RASAL1: variants seen among roughly 807,000 people sequenced by gnomAD.
RASAL1 encodes rasGAP-activating-like protein 1.
In RASAL1, 72 loss-of-function variants were observed where a neutral mutation model predicts 96.6. That is an observed-to-expected ratio of 0.75 (90% confidence interval 0.62 to 0.91). The LOEUF is 0.91. Ranked by LOEUF, RASAL1 falls within the 40% of genes least tolerant of loss-of-function variation. RASAL1 has a pLI of 0.00. For missense variants in RASAL1, 1,016 were observed against 1,072.5 expected (o/e 0.95, Z 0.74); for synonymous variants, 405 against 430.4 (o/e 0.94, Z 0.73).
chr12:113,136,597 A>G (rs1446092008), upstream of RASAL1, among the ~76,000 whole-genome samples: 1 of 152,182 alleles, frequency 6.6e-6, no homozygotes, highest in Non-Finnish European at 1.5e-5. Context: ...AGCTGTCTGG[A>G]CTTGGGTAAG....
At chr12:113,118,082 G>C (rs1951155787) in intron 7 of RASAL1, among the ~76,000 whole-genome samples, 1 of 152,114 alleles carries the variant, frequency 6.6e-6, no homozygotes, top group South Asian at 2.1e-4. Context: ...AAATTACTCA[G>C]ATGTAGTGGT....
chr12:113,130,983 G>T lies in RASAL1; in HGVS notation c.66-42C>A. The T allele has an allele frequency of 1.3e-6, 2 of 1,522,400 alleles. No individual in the cohort carries two copies. The highest frequency in any genetic ancestry group is 1.8e-6 in the Non-Finnish European group (2 of 1,100,650). 94.3% of individuals were successfully genotyped at this position (1,522,400 alleles called of 1,614,324 possible). A position where few individuals can be genotyped will look rare whatever the true frequency, so the allele number is the denominator to read the frequency against. ...TTCAGGGAGGAAGCAGGTTGAGAGG[G>T]CAGCCATGAGTGGAGGGTCCCAGTC... On this transcript the variant is annotated intron_variant, in intron 1 of 20. Coordinates refer to ENST00000548055, the MANE Select transcript of RASAL1 (RefSeq NM_001301202.2). This position sits in a 1 kb window ranked among gnomAD's most constrained non-coding sequence, Gnocchi z 5.1.
chr12:113,101,843 CCTGG>C (rs757750667), intron 19 of RASAL1, 42 bp downstream of exon 19: 1 of 1,592,974 alleles, frequency 6.3e-7, no homozygotes, highest in South Asian at 1.1e-5. Context: ...GGGGGGCTGG[CCTGG>C]CTGGTCATAG....
intron 4 of RASAL1, among the ~76,000 whole-genome samples, chr12:113,124,239 A>AAAAAT (rs377263513): frequency 7.3e-6 from 1 of 137,678 alleles, no homozygotes. Flanking sequence ...AAAAAAAAAA[A>AAAAAT]GTTACCACAA....
At chr12:113,103,132 C>T (rs1313226226) in intron 18 of RASAL1, 1 of 235,698 alleles carries the variant, frequency 4.2e-6, no homozygotes, top group East Asian at 1.6e-4. Context: ...TGTAATACAT[C>T]ATTATATATT....
rs544428972 is a variant in RASAL1 at position 113,130,390 on chromosome 12, C to A, written c.122+495G>T. ...CATGCACCCTACACTGGTACACACA[C>A]GTGAGCCTGTGCCCTGCACAGCCAC... On this transcript the variant is annotated intron_variant, in intron 2 of 20. Transcript: ENST00000548055. This position sits in a 1 kb window ranked among gnomAD's most constrained non-coding sequence, Gnocchi z 5.1. Among the ~76,000 whole-genome samples, 1 of 152,230 alleles carries A rather than the reference C, an allele frequency of 6.6e-6. No homozygotes were observed. Among genetic ancestry groups the A allele is most frequent in the South Asian group, 2.1e-4 (1 of 4,832 alleles).
At chr12:113,107,704 C>T in intron 14 of RASAL1, 1 of 396,144 alleles carries the variant, frequency 2.5e-6, no homozygotes, top group Non-Finnish European at 4.9e-6. Context: ...GGAATCTGCA[C>T]TCCCCACTAA....
Position 113,117,179 on chromosome 12 carries a change from C to G in RASAL1, c.643-18G>C. On this transcript the variant is annotated intron_variant, in intron 7 of 20. Transcript: ENST00000548055. ...AACTCCACCTTTTGAGAGAGACACA[C>G]AGACCCTCAGCCGGGCCCTGGCCTG... 6.4e-7 allele frequency: 1 copy of G among 1,554,642 alleles called. No homozygotes were observed. Among genetic ancestry groups the G allele is most frequent in the Non-Finnish European group, 8.8e-7 (1 of 1,131,946 alleles).
rs1353261074 is a variant in RASAL1, at chr12:113,119,189, G to C, written c.581C>G (p.Ser194Cys). The change falls in exon 7 of 21, where the codon TCC (serine) becomes TGC (cysteine). Residue 194 changes from serine to cysteine, a missense_variant. Physicochemically the swap from Ser to Cys is moderately radical, Grantham distance 112. Coordinates refer to ENST00000548055, the MANE Select transcript of RASAL1 (RefSeq NM_001301202.2). ...LELREMPGAP[S>C]PLRVELWDWD... ...GTCCCAGAGCTCCACCCGCAGTGGG[G>C]ACGGGGCACCTGGCATCTCCCGCAG... is the stretch of plus-strand genomic sequence containing the variant. 1.2e-6 allele frequency: 2 copies of C among 1,614,064 alleles called. No individual in the cohort carries two copies.
intron 7 of RASAL1, among the ~76,000 whole-genome samples, chr12:113,118,924 G>A (rs1038153203): frequency 6.6e-6 from 1 of 152,208 alleles, no homozygotes; most frequent in African/African-American, 2.4e-5. Flanking sequence ...ATCTTGGATA[G>A]GTTCCTGTAC....
At position 113,100,550 on chromosome 12, in the gene RASAL1, C is replaced by T. The variant is rs576883682; in HGVS notation, c.2278+78G>A. 5.5e-5 allele frequency: 70 copies of T among 1,273,964 alleles called. No homozygotes were observed. In the East Asian group the frequency reaches 1.2e-3, roughly 23 times the overall value. The allele number at this position is 1,273,964 out of a possible 1,614,324, so 78.9% of individuals were successfully genotyped here. Reference sequence around the variant, plus strand: ...CTGACCTCAAGTGATCCACCCACCTCGGCCTCCCAAAGTGCTGGGATTACA... The same window carrying T: ...CTGACCTCAAGTGATCCACCCACCTTGGCCTCCCAAAGTGCTGGGATTACA... On this transcript the variant is annotated intron_variant, in intron 20 of 20. Transcript: ENST00000548055.
intron 4 of RASAL1, among the ~76,000 whole-genome samples, chr12:113,123,718 G>A (rs1453405189): frequency 5.9e-5 from 9 of 152,156 alleles, no homozygotes. Flanking sequence ...CGAATAGCAA[G>A]GATTACAGGC....
intron 13 of RASAL1, among the ~76,000 whole-genome samples, chr12:113,111,750 T>A (rs571218621): frequency 1.3e-5 from 2 of 152,114 alleles, no homozygotes; most frequent in East Asian, 3.9e-4. Flanking sequence ...TGAGCCACCA[T>A]GCCCAGTTAA....
intron 4 of RASAL1, among the ~76,000 whole-genome samples, chr12:113,122,816 A>G (rs1951345979): frequency 6.6e-6 from 1 of 152,068 alleles, no homozygotes; most frequent in South Asian, 2.1e-4. Context: ...CCTCTTCCCA[A>G]TTTTTGTTAT....
In RASAL1 at chr12:113,100,359, C is replaced by T. The variant is rs115760006; in HGVS notation, c.2278+269G>A. The stretch of plus-strand genomic sequence containing the variant: ...TGTTGCCCAGGGTGCAGTGCAGTAG[C>T]ATGATCTCAGCTCATTGCAACCTCC... On this transcript the variant is annotated intron_variant, in intron 20 of 20. Transcript: ENST00000548055. Among the ~76,000 whole-genome samples, 961 of 152,272 alleles carry T rather than the reference C, an allele frequency of 6.3e-3. 12 individuals are homozygous for T. The highest frequency in any genetic ancestry group is 0.022 in the African/African-American group (896 of 41,536).
At chr12:113,101,623 G>A (rs948119807) in intron 19 of RASAL1, among the ~76,000 whole-genome samples, 1 of 144,082 alleles carries the variant, frequency 6.9e-6, no homozygotes, top group Admixed American at 6.9e-5. Flanking sequence ...CAGGGGGCCA[G>A]GATTTTATGT....
chr12:113,112,279 C>T lies in RASAL1; in HGVS notation c.1182-1G>A, dbSNP rs1950895600. 2 of 1,256,740 alleles carry T rather than the reference C, an allele frequency of 1.6e-6. No individual in the cohort carries two copies. Among genetic ancestry groups the T allele is most frequent in the South Asian group, 3.9e-5 (1 of 25,322 alleles). 77.8% of individuals were successfully genotyped at this position (1,256,740 alleles called of 1,614,324 possible). A position where few individuals can be genotyped will look rare whatever the true frequency, so the allele number is the denominator to read the frequency against. On this transcript the variant is annotated splice_acceptor_variant, in intron 12 of 20. Coordinates refer to ENST00000548055, the MANE Select transcript of RASAL1 (RefSeq NM_001301202.2). LOFTEE classifies it high-confidence loss of function. ...GAGTGCGCCTTTGAAGGAGATCCTCCTGGAGGGGCCGGCGGAGCAGCTCAG... is the reference window on the plus strand; with the variant it reads ...GAGTGCGCCTTTGAAGGAGATCCTCTTGGAGGGGCCGGCGGAGCAGCTCAG...
At chr12:113,132,393 T>C (rs867482498) in intron 1 of RASAL1, among the ~76,000 whole-genome samples, 2 of 152,248 alleles carry the variant, frequency 1.3e-5, no homozygotes, top group Middle Eastern at 6.8e-3. Context: ...ACATCTGGCA[T>C]GCATTTGGCC....
chr12:113,130,733 C>A lies in RASAL1; in HGVS notation c.122+152G>T. On this transcript the variant is annotated intron_variant, in intron 2 of 20. Transcript: ENST00000548055. This position sits in a 1 kb window ranked among gnomAD's most constrained non-coding sequence, Gnocchi z 5.1. ...AGGGCTGGTCGGGGAGAGGAGCTGGCAGTCCCAGCTGGACACAAATCACCC... is the reference window on the plus strand; with the variant it reads ...AGGGCTGGTCGGGGAGAGGAGCTGGAAGTCCCAGCTGGACACAAATCACCC... The A allele has an allele frequency of 1.6e-6, 1 of 620,304 alleles. No homozygotes were observed. The highest frequency in any genetic ancestry group is 2.9e-5 in the Admixed American group (1 of 34,442). 38.4% of individuals were successfully genotyped at this position (620,304 alleles called of 1,614,324 possible).
Sources: allele counts gnomAD v4.1 joint callset (sites outside exome capture counted in the v4.1 genomes callset), GRCh38; gene constraint gnomAD v4.1.1; non-coding constraint Gnocchi (gnomAD v3.1); transcripts MANE v1.5; gene names NCBI Gene and HGNC (gene_info 2026-07-23, HGNC 2026-07-21).